Variants in DLGAP1 observed in about 807,000 individuals in gnomAD.
DLGAP1 encodes disks large-associated protein 1.
Under a neutral mutation model 90.8 loss-of-function variants are expected in DLGAP1, and 11 were observed. That is an observed-to-expected ratio of 0.12 (90% CI 0.08 to 0.20). The LOEUF (loss-of-function observed/expected upper bound fraction) is 0.20, where lower values mean the gene tolerates loss of function less well. Ranked by LOEUF, DLGAP1 falls within the 10% of genes least tolerant of loss-of-function variation. The pLI is 1.00. For missense variants in DLGAP1, 1,050 were observed against 1,333.8 expected (o/e 0.79, Z 3.31); for synonymous variants, 558 against 540.7 (o/e 1.03, Z -0.44).
intron 2 of DLGAP1, among the ~76,000 whole-genome samples, chr18:4,022,548 A>T (rs2074631011): frequency 1.3e-5 from 2 of 152,106 alleles, no homozygotes; most frequent in Non-Finnish European, 2.9e-5. Flanking sequence ...AGATCTACTC[A>T]CGATGCTACA....
intron 3 of DLGAP1, chr18:3,995,544 T>G (rs1312340408): frequency 3.3e-5 from 5 of 152,172 alleles, no homozygotes; most frequent in Non-Finnish European, 7.4e-5. Context: ...GTGAATAATA[T>G]GCATGTGGGC....
chr18:4,150,894 T>G (rs1424891046), intron 2 of DLGAP1, among the ~76,000 whole-genome samples: 2 of 152,184 alleles, frequency 1.3e-5, no homozygotes, highest in African/African-American at 4.8e-5. Flanking sequence ...CACAGATTTA[T>G]AAAAATGGCA....
chr18:3,625,467 C>T (rs574028295), intron 7 of DLGAP1, among the ~76,000 whole-genome samples: 1 of 152,140 alleles, frequency 6.6e-6, no homozygotes, highest in Non-Finnish European at 1.5e-5. Context: ...ACAGAAAAAT[C>T]GAAGCAAATT....
chr18:3,515,488 T>TAAAAAAGG (rs2050785481), intron 10 of DLGAP1, among the ~76,000 whole-genome samples: 1 of 47,990 alleles, frequency 2.1e-5, no homozygotes. Flanking sequence ...AAAAAAAAAT[T>TAAAAAAGG]GGAGTCAAGG....
At chr18:4,149,039 A>T (rs1420499058) in intron 2 of DLGAP1, among the ~76,000 whole-genome samples, 6 of 152,232 alleles carry the variant, frequency 3.9e-5, no homozygotes, top group African/African-American at 1.4e-4. Flanking sequence ...TGCATTTCAC[A>T]CAAACAGGGT....
intron 7 of DLGAP1, among the ~76,000 whole-genome samples, chr18:3,701,968 G>A (rs2061293297): frequency 1.3e-5 from 2 of 152,094 alleles, no homozygotes; most frequent in Admixed American, 6.5e-5. Context: ...CCAAGATATC[G>A]GGGTAAGGTT....
intron 3 of DLGAP1, among the ~76,000 whole-genome samples, chr18:3,898,493 A>G (rs2071705594): frequency 6.6e-6 from 1 of 152,232 alleles, no homozygotes; most frequent in Admixed American, 6.5e-5. Flanking sequence ...GTCAGACTCC[A>G]GAGCTCACAG....
In DLGAP1 at chr18:3,693,255, AT is replaced by A. The variant is rs1225182882; in HGVS notation, c.1591+35879del. ...ACCCTACCATGTCTCACTTATTTAAATTTTTTTTTTTTGTAGAGATTGGGGT... is the reference window on the plus strand; with the variant it reads ...ACCCTACCATGTCTCACTTATTTAAATTTTTTTTTTTGTAGAGATTGGGGT... On this transcript the variant is annotated intron_variant, in intron 7 of 12. Transcript: ENST00000315677. Among the ~76,000 whole-genome samples, 901 of 146,768 alleles carry A rather than the reference AT, an allele frequency of 6.1e-3. 15 individuals are homozygous for A. The highest frequency in any genetic ancestry group is 0.02 in the African/African-American group (795 of 40,204).
At chr18:4,091,274 C>A (rs905504105) in intron 2 of DLGAP1, among the ~76,000 whole-genome samples, 1 of 152,036 alleles carries the variant, frequency 6.6e-6, no homozygotes, top group South Asian at 2.1e-4. Context: ...AAATAAAATT[C>A]TCATCTTTAT....
intron 10 of DLGAP1, among the ~76,000 whole-genome samples, chr18:3,523,646 G>A (rs919802997): frequency 6.6e-6 from 1 of 151,964 alleles, no homozygotes; most frequent in East Asian, 2.0e-4. Context: ...AGGAGATCGA[G>A]ACCATCCTGG....
intron 1 of DLGAP1, among the ~76,000 whole-genome samples, chr18:4,347,395 GA>G (rs1156342082): frequency 6.6e-6 from 1 of 151,952 alleles, no homozygotes; most frequent in Non-Finnish European, 1.5e-5. Context: ...TTGTTCAAAA[GA>G]AAATAAATCT....
intron 1 of DLGAP1, among the ~76,000 whole-genome samples, chr18:4,354,887 C>CAAAAAAAAAAAAAAAAAAAAAAAA (rs60379984): frequency 8.4e-5 from 2 of 23,874 alleles, no homozygotes; most frequent in Admixed American, 8.2e-4. Flanking sequence ...TTACTCTCAC[C>CAAAAAAAAAAAAAAAAAAAAAAAA]AAAAAAAAAA....
At chr18:4,430,143 C>T (rs886309671) in intron 1 of DLGAP1, among the ~76,000 whole-genome samples, 4 of 152,142 alleles carry the variant, frequency 2.6e-5, no homozygotes, top group Non-Finnish European at 4.4e-5. Flanking sequence ...GCAGAGAGCA[C>T]ATGGGGTATT....
intron 10 of DLGAP1, 151 bp from the exon 11 acceptor site, chr18:3,508,812 A>G (rs909426293): frequency 1.2e-5 from 7 of 580,890 alleles, no homozygotes; most frequent in Non-Finnish European, 1.8e-5. Flanking sequence ...CAGCCCAATC[A>G]CTGTTGTCAC....
intron 1 of DLGAP1, among the ~76,000 whole-genome samples, chr18:4,428,975 T>C (rs2083219088): frequency 6.6e-6 from 1 of 152,158 alleles, no homozygotes; most frequent in Non-Finnish European, 1.5e-5. Flanking sequence ...GCCACGTCAC[T>C]AGTGTCAGGA....
intron 1 of DLGAP1, among the ~76,000 whole-genome samples, chr18:4,396,363 G>A (rs1484796088): frequency 6.6e-6 from 1 of 152,172 alleles, no homozygotes; most frequent in East Asian, 1.9e-4. Flanking sequence ...GACACGGACA[G>A]AAGCAACTCT....
At chr18:3,572,569 C>G (rs1399444918) in intron 8 of DLGAP1, among the ~76,000 whole-genome samples, 1 of 152,216 alleles carries the variant, frequency 6.6e-6, no homozygotes, top group Middle Eastern at 3.2e-3. Context: ...CCTGCCTCAG[C>G]CTCCCGAGTA....
chr18:3,885,252 A>C (rs186159663), intron 3 of DLGAP1: 1 of 152,282 alleles, frequency 6.6e-6, no homozygotes, highest in Admixed American at 6.5e-5. Flanking sequence ...AATGTTTATA[A>C]GTTGTATCCA....
chr18:4,393,644 G>A (rs1382105584), intron 1 of DLGAP1, among the ~76,000 whole-genome samples: 1 of 152,166 alleles, frequency 6.6e-6, no homozygotes, highest in Non-Finnish European at 1.5e-5. Context: ...TGTCTCTCCT[G>A]CTGGCACATG....
Sources: allele counts gnomAD v4.1 joint callset (sites outside exome capture counted in the v4.1 genomes callset), GRCh38; gene constraint gnomAD v4.1.1; transcripts MANE v1.5; gene names NCBI Gene and HGNC (gene_info 2026-07-23, HGNC 2026-07-21).